Variants in CATSPERT observed in about 807,000 individuals in gnomAD.
CATSPERT encodes cation channel sperm-associated targeting subunit tau.
At chr2:201,574,783 C>T in the CATSPERT span, among the ~76,000 whole-genome samples, 1 of 151,744 alleles carries the variant, frequency 6.6e-6, no homozygotes, top group Non-Finnish European at 1.5e-5. Context: ...TGTTCCTAGC[C>T]CCTGTTTTGG....
the CATSPERT span, among the ~76,000 whole-genome samples, chr2:201,521,370 A>C: frequency 2.0e-5 from 3 of 152,130 alleles, no homozygotes; most frequent in Admixed American, 2.0e-4. Flanking sequence ...ACTTACAATC[A>C]TGGCAAAAGG....
At chr2:201,525,958 A>G in the CATSPERT span, among the ~76,000 whole-genome samples, 6 of 152,298 alleles carry the variant, frequency 3.9e-5, no homozygotes, top group East Asian at 1.2e-3. Flanking sequence ...GTGTTCCAAA[A>G]TTGAATCAGT....
chr2:201,535,302 A>T, the CATSPERT span: 1 of 985,086 alleles, frequency 1.0e-6, no homozygotes, highest in Non-Finnish European at 1.2e-6. Flanking sequence ...CAAATTCTTT[A>T]TCTTCTGACC....
chr2:201,550,459 T>C, the CATSPERT span: 1 of 152,080 alleles, frequency 6.6e-6, no homozygotes, highest in Non-Finnish European at 1.5e-5. Context: ...ATATACCTAC[T>C]CTTTAAACCT....
the CATSPERT span, chr2:201,554,255 C>G: frequency 5.3e-5 from 8 of 152,206 alleles, no homozygotes; most frequent in African/African-American, 1.7e-4. Flanking sequence ...TATGCTTTTT[C>G]TTATCCACCA....
chr2:201,547,163 G>A, the CATSPERT span, among the ~76,000 whole-genome samples: 1 of 152,096 alleles, frequency 6.6e-6, no homozygotes, highest in East Asian at 1.9e-4. Flanking sequence ...AAGGGTATGG[G>A]GTTGCTTTTG....
the CATSPERT span, among the ~76,000 whole-genome samples, chr2:201,575,748 A>G: frequency 3.3e-3 from 504 of 152,246 alleles, no homozygotes; most frequent in African/African-American, 0.011. Flanking sequence ...CTACGTTCTG[A>G]TGAGTTGTAT....
At chr2:201,492,044 G>A in the CATSPERT span, 3 of 1,531,740 alleles carry the variant, frequency 2.0e-6, no homozygotes, top group Non-Finnish European at 2.6e-6. Flanking sequence ...TAACTTTTCT[G>A]TTCCTTAATT....
At chr2:201,530,639 C>T in the CATSPERT span, among the ~76,000 whole-genome samples, 5 of 152,134 alleles carry the variant, frequency 3.3e-5, no homozygotes, top group Admixed American at 6.5e-5. Flanking sequence ...ATGGATGAAT[C>T]GGAGATATGA....
At chr2:201,544,668 C>CT in the CATSPERT span, among the ~76,000 whole-genome samples, 1 of 151,928 alleles carries the variant, frequency 6.6e-6, no homozygotes, top group African/African-American at 2.4e-5. Flanking sequence ...AATATTTTAA[C>CT]TTTTTTCTCA....
the CATSPERT span, among the ~76,000 whole-genome samples, chr2:201,496,212 C>T: frequency 6.6e-6 from 1 of 151,972 alleles, no homozygotes; most frequent in Non-Finnish European, 1.5e-5. Context: ...TGCACAGCAA[C>T]TTCAAGCAGA....
chr2:201,574,303 T>C, the CATSPERT span: 42 of 1,567,820 alleles, frequency 2.7e-5, no homozygotes, highest in Non-Finnish European at 3.6e-5. Context: ...ATTTTATTGT[T>C]TGATCAGGAT....
At chr2:201,547,750 G>GT in the CATSPERT span, 1 of 487,726 alleles carries the variant, frequency 2.1e-6, no homozygotes, top group Non-Finnish European at 3.6e-6. Flanking sequence ...ATTGTCTAGG[G>GT]ATACAGTCAA....
At chr2:201,578,478 G>C in the CATSPERT span, among the ~76,000 whole-genome samples, 1 of 152,002 alleles carries the variant, frequency 6.6e-6, no homozygotes, top group African/African-American at 2.4e-5. Flanking sequence ...AAAACCTCTA[G>C]CACCTCCATT....
At chr2:201,489,553 GC>G in the CATSPERT span, among the ~76,000 whole-genome samples, 1 of 152,054 alleles carries the variant, frequency 6.6e-6, no homozygotes, top group Non-Finnish European at 1.5e-5. Context: ...ATAATATATA[GC>G]TATATAATAT....
At chr2:201,604,620 A>G in the CATSPERT span, 1 of 1,596,188 alleles carries the variant, frequency 6.3e-7, no homozygotes, top group South Asian at 1.1e-5. Context: ...CCACATCCCC[A>G]AATGGCACCA....
chr2:201,505,846 A>G, the CATSPERT span, among the ~76,000 whole-genome samples: 1 of 152,210 alleles, frequency 6.6e-6, no homozygotes, highest in Non-Finnish European at 1.5e-5. Flanking sequence ...GTAATGTAAG[A>G]TGTTAACAAT....
chr2:201,587,634 C>T, the CATSPERT span, among the ~76,000 whole-genome samples: 11 of 152,174 alleles, frequency 7.2e-5, no homozygotes, highest in East Asian at 2.1e-3. Context: ...TTGTTTTCAG[C>T]AGTTTGAATG....
chr2:201,491,148 G>T, the CATSPERT span: 3 of 1,504,370 alleles, frequency 2.0e-6, no homozygotes, highest in South Asian at 3.8e-5. Flanking sequence ...AGAAGTAGAA[G>T]ACTTAGAAAA....
Sources: gnomAD v4.1 joint callset for allele counts (sites outside exome capture counted in the v4.1 genomes callset) on GRCh38, gnomAD v4.1.1 for gene constraint, MANE v1.5 for transcripts, NCBI Gene and HGNC (gene_info 2026-07-23, HGNC 2026-07-21) for gene names.